MDGA2: variants seen among roughly 807,000 people sequenced by gnomAD.
The protein encoded by MDGA2 is MAM domain-containing glycosylphosphatidylinositol anchor protein 2.
Under a neutral mutation model 117.8 loss-of-function variants are expected in MDGA2, and 40 were observed. The ratio of observed to expected loss-of-function variants is 0.34; its 90% confidence interval spans 0.26 to 0.44. MDGA2 has a LOEUF of 0.44. Ranked by LOEUF, MDGA2 falls within the 20% of genes least tolerant of loss-of-function variation. MDGA2 has a pLI of 1.00. For synonymous variants in MDGA2, 452 were observed against 439.0 expected, an observed-to-expected ratio of 1.03 and a Z score of -0.37; for missense variants, 1,123 against 1,250.6, an observed-to-expected ratio of 0.90 and a Z score of 1.54.
intron 3 of MDGA2, among the ~76,000 whole-genome samples, chr14:47,159,392 A>G (rs1261262722): frequency 6.6e-6 from 1 of 152,114 alleles, no homozygotes; most frequent in African/African-American, 2.4e-5. Flanking sequence ...AATCCTCCCC[A>G]CCCTTTTAAA....
intron 2 of MDGA2, among the ~76,000 whole-genome samples, chr14:47,249,846 G>A (rs1490138750): frequency 6.6e-6 from 1 of 152,100 alleles, no homozygotes; most frequent in Non-Finnish European, 1.5e-5. Context: ...TTTCTTTTGT[G>A]TTGCAGATCC....
At chr14:47,604,511 A>G (rs1159206062) in intron 1 of MDGA2, among the ~76,000 whole-genome samples, 2 of 56,926 alleles carry the variant, frequency 3.5e-5, no homozygotes, top group African/African-American at 1.4e-4. Flanking sequence ...TCACCCCCCT[A>G]TAAAGACAAG....
intron 8 of MDGA2, among the ~76,000 whole-genome samples, chr14:46,999,396 G>T (rs535621883): frequency 6.6e-6 from 1 of 151,918 alleles, no homozygotes; most frequent in Non-Finnish European, 1.5e-5. Context: ...GTTTGGAAAG[G>T]TATTGCAAAA....
At chr14:47,353,505 T>C (rs1216921465) in intron 1 of MDGA2, among the ~76,000 whole-genome samples, 1 of 152,170 alleles carries the variant, frequency 6.6e-6, no homozygotes, top group Non-Finnish European at 1.5e-5. Flanking sequence ...TCCTAGTTCC[T>C]CAAAATATAA....
intron 2 of MDGA2, among the ~76,000 whole-genome samples, chr14:47,267,347 T>C (rs1888000270): frequency 6.6e-6 from 1 of 152,190 alleles, no homozygotes; most frequent in African/African-American, 2.4e-5. Flanking sequence ...AATGAAATGA[T>C]TTTAAATTCC....
chr14:46,899,619 A>G (rs956649083), intron 10 of MDGA2, among the ~76,000 whole-genome samples: 1 of 152,008 alleles, frequency 6.6e-6, no homozygotes, highest in Admixed American at 6.6e-5. Flanking sequence ...AAAAACCTAG[A>G]CCAGCTGAGG....
At chr14:47,496,602 G>A (rs570618457) in intron 1 of MDGA2, among the ~76,000 whole-genome samples, 3 of 152,044 alleles carry the variant, frequency 2.0e-5, no homozygotes, top group South Asian at 2.1e-4. Flanking sequence ...AAAAATGAAT[G>A]TGGAGAATTT....
At chr14:47,654,475 C>A (rs943188459) in intron 1 of MDGA2, among the ~76,000 whole-genome samples, 1 of 152,054 alleles carries the variant, frequency 6.6e-6, no homozygotes, top group Non-Finnish European at 1.5e-5. Flanking sequence ...TCACAACTGG[C>A]TGAAGTGCTA....
At chr14:47,375,079 GT>G (rs772265097) in intron 1 of MDGA2, among the ~76,000 whole-genome samples, 61 of 149,360 alleles carry the variant, frequency 4.1e-4, no homozygotes, top group Admixed American at 3.1e-3. Flanking sequence ...TTCAAAACCT[GT>G]TTTTTTTAAT....
chr14:47,509,761 A>G (rs1173909203), intron 1 of MDGA2, among the ~76,000 whole-genome samples: 1 of 152,218 alleles, frequency 6.6e-6, no homozygotes, highest in African/African-American at 2.4e-5. Context: ...CCTTTTGGAC[A>G]GGAAATGTCT....
intron 1 of MDGA2, among the ~76,000 whole-genome samples, chr14:47,370,970 C>T (rs990803320): frequency 6.6e-6 from 1 of 151,770 alleles, no homozygotes; most frequent in Non-Finnish European, 1.5e-5. Context: ...ATATATTCTA[C>T]ACCTAGTTGA....
intron 1 of MDGA2, among the ~76,000 whole-genome samples, chr14:47,580,433 GGTA>G (rs948953877): frequency 6.6e-6 from 1 of 151,918 alleles, no homozygotes; most frequent in African/African-American, 2.4e-5. Flanking sequence ...TTTTGCATTT[GGTA>G]GTAGGTTTCA....
intron 1 of MDGA2, among the ~76,000 whole-genome samples, chr14:47,612,395 T>G (rs1170620198): frequency 6.6e-6 from 1 of 152,186 alleles, no homozygotes; most frequent in Non-Finnish European, 1.5e-5. Context: ...TCTAAAATAA[T>G]AAGTTGTTAT....
chr14:47,648,468 T>C (rs1442860053), intron 1 of MDGA2, among the ~76,000 whole-genome samples: 1 of 152,086 alleles, frequency 6.6e-6, no homozygotes. Context: ...CCTCAATGAC[T>C]AGAAAGTAGC....
chr14:47,531,460 T>A (rs2138733315), intron 1 of MDGA2, among the ~76,000 whole-genome samples: 1 of 152,332 alleles, frequency 6.6e-6, no homozygotes, highest in Non-Finnish European at 1.5e-5. Context: ...GGAAAAGAAG[T>A]ATTTGACCTA....
At chr14:46,977,692 A>G (rs1418659701) in intron 8 of MDGA2, among the ~76,000 whole-genome samples, 1 of 151,982 alleles carries the variant, frequency 6.6e-6, no homozygotes, top group Non-Finnish European at 1.5e-5. Context: ...ATATAAATTG[A>G]TCATCTTTTA....
chr14:47,429,885 A>T (rs1892764078), intron 1 of MDGA2, among the ~76,000 whole-genome samples: 1 of 151,068 alleles, frequency 6.6e-6, no homozygotes, highest in Non-Finnish European at 1.5e-5. Context: ...TAAGAGGGAA[A>T]CAAGGAGTGG....
intron 1 of MDGA2, among the ~76,000 whole-genome samples, chr14:47,326,529 T>C (rs1308138228): frequency 3.9e-5 from 6 of 152,112 alleles, no homozygotes; most frequent in Admixed American, 2.6e-4. Flanking sequence ...CTAGTTAAAG[T>C]TACTTTCACC....
intron 1 of MDGA2, among the ~76,000 whole-genome samples, chr14:47,451,892 T>C (rs1893248598): frequency 6.6e-6 from 1 of 152,066 alleles, no homozygotes; most frequent in Non-Finnish European, 1.5e-5. Flanking sequence ...CAGTAATGTT[T>C]AGAGGAGAAT....
Sources: gnomAD v4.1 joint callset for allele counts (sites outside exome capture counted in the v4.1 genomes callset) on GRCh38, gnomAD v4.1.1 for gene constraint, MANE v1.5 for transcripts, NCBI Gene and HGNC (gene_info 2026-07-23, HGNC 2026-07-21) for gene names.